The following CNTN4 variants were observed in gnomAD, a reference collection of about 807,000 sequenced individuals.
CNTN4 encodes contactin 4.
A neutral mutation model predicts 122.5 loss-of-function variants in CNTN4; 77 were observed. The ratio of observed to expected loss-of-function variants is 0.63; its 90% CI spans 0.52 to 0.76. The LOEUF (loss-of-function observed/expected upper bound fraction) is 0.76. Among genes scored for constraint, CNTN4 ranks in the 30% least tolerant of loss-of-function variants. The pLI, the probability that CNTN4 is intolerant of heterozygous loss-of-function variation, is 0.00. For synonymous variants in CNTN4, 512 were observed against 447.0 expected (o/e 1.15, Z -1.83); for missense variants, 1,256 against 1,259.1 (o/e 1.00, Z 0.04).
chr3:2,686,780 C>T (rs2085454137), intron 4 of CNTN4, among the ~76,000 whole-genome samples: 1 of 152,144 alleles, frequency 6.6e-6, no homozygotes, highest in South Asian at 2.1e-4. Context: ...ACCATGCTAT[C>T]CTCTGCTGTG....
chr3:2,590,448 G>T (rs2080415695), intron 4 of CNTN4, among the ~76,000 whole-genome samples: 1 of 151,730 alleles, frequency 6.6e-6, no homozygotes, highest in African/African-American at 2.4e-5. Context: ...GTAGAGACGG[G>T]GTTTCACCAT....
At chr3:2,165,905 T>C (rs1261056035) in intron 2 of CNTN4, among the ~76,000 whole-genome samples, 1 of 152,188 alleles carries the variant, frequency 6.6e-6, no homozygotes, top group Admixed American at 6.6e-5. Flanking sequence ...TGGAATATTA[T>C]ATTACTATTA....
intron 14 of CNTN4, among the ~76,000 whole-genome samples, chr3:2,992,811 A>C (rs1021583975): frequency 4.6e-5 from 7 of 152,290 alleles, no homozygotes; most frequent in African/African-American, 1.7e-4. Context: ...GTTCCAGACT[A>C]TACTTTGGGA....
chr3:2,321,882 T>G (rs568803960), intron 2 of CNTN4, among the ~76,000 whole-genome samples: 1 of 152,286 alleles, frequency 6.6e-6, no homozygotes, highest in Non-Finnish European at 1.5e-5. Flanking sequence ...TAAGTAACAG[T>G]GAGCTGCTTC....
intron 2 of CNTN4, among the ~76,000 whole-genome samples, chr3:2,170,256 CT>C (rs1437323342): frequency 1.3e-5 from 2 of 151,502 alleles, no homozygotes; most frequent in African/African-American, 4.9e-5. Flanking sequence ...GGAGGCGGAG[CT>C]TGCAGTGAGC....
At chr3:2,316,915 A>G (rs892822422) in intron 2 of CNTN4, among the ~76,000 whole-genome samples, 1 of 152,114 alleles carries the variant, frequency 6.6e-6, no homozygotes, top group African/African-American at 2.4e-5. Context: ...ACACACACCA[A>G]TTAAGTTGAC....
rs58076296 is a variant in CNTN4 at position 2,979,465 on chromosome 3, C to A, written c.1359-8880C>A. Among the ~76,000 whole-genome samples the A allele has an allele frequency of 4.7e-3, 709 of 152,244 alleles. 9 individuals carry two copies. The highest frequency in any genetic ancestry group is 0.016 in the African/African-American group (662 of 41,524). On this transcript the variant is annotated intron_variant, in intron 13 of 24. Transcript: ENST00000418658. The stretch of plus-strand genomic sequence containing the variant: ...AATTATTTTAACTATGTTTGGGATT[C>A]TGTAATAAATTTTAGCTCTTCAGGA...
intron 3 of CNTN4, among the ~76,000 whole-genome samples, chr3:2,430,422 CAAAAAAA>C (rs545639324): frequency 1.2e-4 from 7 of 60,202 alleles, no homozygotes; most frequent in Non-Finnish European, 2.4e-4. Flanking sequence ...ACTCTTGTCT[CAAAAAAA>C]AAAAAAAAAA....
chr3:2,432,640 G>A (rs1224893258), intron 3 of CNTN4, among the ~76,000 whole-genome samples: 1 of 151,672 alleles, frequency 6.6e-6, no homozygotes, highest in Non-Finnish European at 1.5e-5. Flanking sequence ...GTGTGTGTAT[G>A]TATGTGTATA....
In CNTN4 at chr3:2,160,269, T is replaced by C. The variant is rs2149171610; in HGVS notation, c.-145+59630T>C. Among the ~76,000 whole-genome samples, 3 of 152,276 alleles carry C rather than the reference T, an allele frequency of 2.0e-5. No individual in the cohort carries two copies. In the South Asian group the frequency reaches 6.2e-4, roughly 32 times the overall value. On this transcript the variant is annotated intron_variant, in intron 2 of 24. Coordinates refer to ENST00000418658, the MANE Select transcript of CNTN4 (RefSeq NM_175607.3). ...GTCACCTGGACTAAAACCATCGTTT[T>C]ACTGAAAAAGCAATTGTGAACTAAA...
At chr3:2,324,554 A>G (rs1387870226) in intron 2 of CNTN4, among the ~76,000 whole-genome samples, 2 of 151,964 alleles carry the variant, frequency 1.3e-5, no homozygotes, top group Non-Finnish European at 2.9e-5. Flanking sequence ...AAATCCAGAG[A>G]TTTGAACAAT....
intron 3 of CNTN4, among the ~76,000 whole-genome samples, chr3:2,367,474 A>G (rs2045437304): frequency 6.6e-6 from 1 of 152,208 alleles, no homozygotes; most frequent in Non-Finnish European, 1.5e-5. Context: ...TGAAGTTAGA[A>G]TATCTTTCTA....
intron 3 of CNTN4, among the ~76,000 whole-genome samples, chr3:2,554,834 A>T (rs997211339): frequency 3.3e-5 from 5 of 152,206 alleles, no homozygotes; most frequent in African/African-American, 1.2e-4. Flanking sequence ...GTCGTTGCTA[A>T]ACATGACAGG....
chr3:2,406,831 A>T (rs1024346613), intron 3 of CNTN4, among the ~76,000 whole-genome samples: 14 of 152,140 alleles, frequency 9.2e-5, no homozygotes, highest in African/African-American at 3.4e-4. Flanking sequence ...AAAACTGTGG[A>T]GGAATGCAAA....
chr3:2,668,108 G>GT (rs1192698423), intron 4 of CNTN4, among the ~76,000 whole-genome samples: 3 of 152,102 alleles, frequency 2.0e-5, no homozygotes, highest in Non-Finnish European at 4.4e-5. Context: ...CTTTAAAGTA[G>GT]TTTTTTCCAA....
intron 6 of CNTN4, among the ~76,000 whole-genome samples, chr3:2,770,292 T>TGCTG (rs1225150702): frequency 6.6e-6 from 1 of 152,190 alleles, no homozygotes; most frequent in Non-Finnish European, 1.5e-5. Flanking sequence ...CCTCCCAAAG[T>TGCTG]GCTGGGATTA....
chr3:2,884,509 A>G lies in CNTN4; in HGVS notation c.755+1262A>G, dbSNP rs148569614. On this transcript the variant is annotated intron_variant, in intron 9 of 24. Transcript: ENST00000418658. ...ACATAATTATAGGATTGAACACTCTACAGACATTAAAAGTCAAGTTGCAAA... is the reference window on the plus strand; with the variant it reads ...ACATAATTATAGGATTGAACACTCTGCAGACATTAAAAGTCAAGTTGCAAA... 2.2e-4 allele frequency among the ~76,000 whole-genome samples: 33 copies of G among 152,336 alleles called. No homozygotes were observed. In the East Asian group the frequency reaches 5.8e-3, roughly 27 times the overall value.
intron 2 of CNTN4, among the ~76,000 whole-genome samples, chr3:2,197,643 T>C (rs1251072894): frequency 6.6e-6 from 1 of 152,174 alleles, no homozygotes; most frequent in Non-Finnish European, 1.5e-5. Context: ...AATTTTCTGC[T>C]TTCAGCTGTA....
Position 2,141,309 on chromosome 3 carries a change from A to G in CNTN4, c.-145+40670A>G, listed in dbSNP as rs145827184. Among the ~76,000 whole-genome samples, 464 of 152,336 alleles carry G rather than the reference A, an allele frequency of 3.0e-3. 4 individuals carry two copies. The highest frequency in any genetic ancestry group is 2.3e-3 in the Non-Finnish European group (154 of 68,028). On this transcript the variant is annotated intron_variant, in intron 2 of 24. Transcript: ENST00000418658. ...ATTATCCTAGTGGACCTAATATTTT[A>G]TAAGTGTACTTGTAAATGAAAGAGA...
Sources: gnomAD v4.1 joint callset for allele counts (sites outside exome capture counted in the v4.1 genomes callset) on GRCh38, gnomAD v4.1.1 for gene constraint, MANE v1.5 for transcripts, NCBI Gene and HGNC (gene_info 2026-07-23, HGNC 2026-07-21) for gene names.